The following RASIP1 variants were observed in gnomAD, a reference collection of about 807,000 sequenced individuals.
RASIP1 encodes Ras interacting protein 1, also known as ras-interacting protein 1.
In RASIP1, 20 loss-of-function variants were observed where a neutral mutation model predicts 85.3. The ratio of observed to expected loss-of-function variants is 0.23; its 90% CI spans 0.17 to 0.34. The LOEUF (loss-of-function observed/expected upper bound fraction) is 0.34. Among genes scored for constraint, RASIP1 ranks in the 10% least tolerant of loss-of-function variants. RASIP1 has a pLI of 1.00. For synonymous variants in RASIP1, 617 were observed against 647.1 expected, an observed-to-expected ratio of 0.95 and a Z score of 0.71; for missense variants, 1,170 against 1,390.9, an observed-to-expected ratio of 0.84 and a Z score of 2.53.
Position 48,724,529 on chromosome 19 carries a change from G to A in RASIP1, c.2372-20C>T, listed in dbSNP as rs148076139. 5.6e-6 allele frequency: 9 copies of A among 1,608,546 alleles called. No individual in the cohort carries two copies. The highest frequency in any genetic ancestry group is 1.7e-5 in the Admixed American group (1 of 59,818). On this transcript the variant is annotated intron_variant, in intron 9 of 11. Coordinates refer to ENST00000222145, the MANE Select transcript of RASIP1 (RefSeq NM_017805.3). This position sits in a 1 kb window ranked among gnomAD's most constrained non-coding sequence, Gnocchi z 4.6. The stretch of plus-strand genomic sequence containing the variant: ...CTTGACCTGTGGGTGTTAAAGGTAT[G>A]AGAGGCAGTTGGTTGGCTGGACTCT...
chr19:48,736,247 C>G (rs945611780), intron 3 of RASIP1, among the ~76,000 whole-genome samples: 6 of 151,724 alleles, frequency 4.0e-5, no homozygotes, highest in Non-Finnish European at 7.4e-5. Context: ...AACCCCGTCT[C>G]TACTAAAAAT....
intron 10 of RASIP1, among the ~76,000 whole-genome samples, chr19:48,723,707 A>G (rs990692330): frequency 1.3e-5 from 2 of 152,048 alleles, no homozygotes; most frequent in African/African-American, 4.8e-5. Context: ...GGTGCCTGGC[A>G]GGTAGTTCAT....
chr19:48,730,627 A>G (rs1568479736), intron 4 of RASIP1, among the ~76,000 whole-genome samples: 1 of 152,098 alleles, frequency 6.6e-6, no homozygotes, highest in Non-Finnish European at 1.5e-5. Flanking sequence ...CCACCTGTCC[A>G]TTATTTCACC....
chr19:48,725,229 G>A (rs2033322639), intron 8 of RASIP1: 1 of 371,178 alleles, frequency 2.7e-6, no homozygotes, highest in East Asian at 4.7e-5. Context: ...AAAGGATACT[G>A]GACAAAGAGT....
chr19:48,722,691 T>G (rs959540730), intron 10 of RASIP1, among the ~76,000 whole-genome samples: 1 of 152,142 alleles, frequency 6.6e-6, no homozygotes, highest in Non-Finnish European at 1.5e-5. Flanking sequence ...CATCAGAGAC[T>G]CCACCTAGAC....
chr19:48,723,453 A>C (rs1189395250), intron 10 of RASIP1, among the ~76,000 whole-genome samples: 1 of 150,914 alleles, frequency 6.6e-6, no homozygotes, highest in Admixed American at 6.6e-5. Flanking sequence ...CCGGCTACTC[A>C]GGAGGCTGTG....
At chr19:48,721,801 T>C in intron 11 of RASIP1, 53 bp downstream of exon 11, 1 of 1,542,296 alleles carries the variant, frequency 6.5e-7, no homozygotes, top group South Asian at 1.2e-5. Flanking sequence ...AGACTCCGTC[T>C]CAAAAGAAGA....
At chr19:48,733,402 A>C (rs951958063) in intron 4 of RASIP1, among the ~76,000 whole-genome samples, 3 of 152,190 alleles carry the variant, frequency 2.0e-5, no homozygotes, top group Non-Finnish European at 4.4e-5. Context: ...TTTTGTACCA[A>C]TCAAGTTCTG....
intron 11 of RASIP1, among the ~76,000 whole-genome samples, chr19:48,721,509 C>A (rs531971676): frequency 6.6e-6 from 1 of 152,072 alleles, no homozygotes; most frequent in African/African-American, 2.4e-5. Flanking sequence ...ACTCCAAGAT[C>A]CTGAGAAAAG....
At chr19:48,735,620 T>G in intron 3 of RASIP1, 69 bp from the exon 4 acceptor site, 1 of 1,397,206 alleles carries the variant, frequency 7.2e-7, no homozygotes, top group Non-Finnish European at 9.5e-7. Flanking sequence ...CTGCAGATTA[T>G]GAGACAAAGA....
In RASIP1 at chr19:48,739,042, G is replaced by A; in HGVS notation, c.741C>T (p.Gly247=). The change falls in exon 3 of 12, where the codon GGC becomes GGT. Residue 247 remains glycine, a synonymous_variant. Coordinates refer to ENST00000222145, the MANE Select transcript of RASIP1 (RefSeq NM_017805.3). The surrounding 1 kb of genome is among the most constrained non-coding windows in gnomAD (Gnocchi z 9.2). ...LVQELWRARP[G]WARRFELRGR... ...CGCGCAACTCGAAGCGCCGCGCCCAGCCGGGCCGCGCCCGCCACAGCTCCT... is the reference window on the plus strand; with the variant it reads ...CGCGCAACTCGAAGCGCCGCGCCCAACCGGGCCGCGCCCGCCACAGCTCCT... 8.0e-7 allele frequency: 1 copy of A among 1,247,392 alleles called. No individual in the cohort carries two copies. The allele number at this position is 1,247,392 out of a possible 1,614,324, so 77.3% of individuals were successfully genotyped here.
At chr19:48,722,300 A>ATTTTTTT (rs71179038) in intron 10 of RASIP1, among the ~76,000 whole-genome samples, 7 of 98,336 alleles carry the variant, frequency 7.1e-5, no homozygotes, top group Admixed American at 1.1e-4. Flanking sequence ...GTACTTGGGG[A>ATTTTTTT]TTTTTTTTTT....
At chr19:48,728,453 TG>T (rs1055640078) in intron 5 of RASIP1, among the ~76,000 whole-genome samples, 1 of 151,976 alleles carries the variant, frequency 6.6e-6, no homozygotes, top group Non-Finnish European at 1.5e-5. Context: ...CAGCATTCTA[TG>T]GGGGGGCCCC....
chr19:48,725,210 AAGG>A (rs2033322424), intron 8 of RASIP1: 2 of 443,020 alleles, frequency 4.5e-6, no homozygotes, highest in African/African-American at 4.0e-5. Flanking sequence ...GAGACAGCTC[AAGG>A]AGGACAAAGG....
intron 4 of RASIP1, 40 bp downstream of exon 4, chr19:48,735,156 G>A (rs753423240): frequency 1.9e-6 from 3 of 1,543,016 alleles, no homozygotes; most frequent in Non-Finnish European, 2.6e-6. Context: ...AACAGATGGG[G>A]TATAGGGCTC....
chr19:48,728,848 G>A (rs1228986923), intron 5 of RASIP1, 89 bp downstream of exon 5: 1 of 1,296,338 alleles, frequency 7.7e-7, no homozygotes, highest in Non-Finnish European at 1.0e-6. Flanking sequence ...ATCCAGCCCA[G>A]CTATGAAAAG....
rs111269191 is a variant in RASIP1, at chr19:48,724,978, T to C, written c.2128-18A>G. On this transcript the variant is annotated intron_variant, in intron 8 of 11. Coordinates refer to ENST00000222145, the MANE Select transcript of RASIP1 (RefSeq NM_017805.3). This position sits in a 1 kb window ranked among gnomAD's most constrained non-coding sequence, Gnocchi z 4.6. ...TAGAGAGTCTGAGAAAATAGAGAAG[T>C]GGAAACAAGTGATTGGACTACAACT... The C allele has an allele frequency of 1.2e-4, 200 of 1,605,066 alleles. No individual in the cohort carries two copies. The highest frequency in any genetic ancestry group is 2.3e-4 in the Admixed American group (14 of 59,712).
chr19:48,723,803 C>CTTTT (rs34173404), intron 10 of RASIP1, among the ~76,000 whole-genome samples: 3 of 127,020 alleles, frequency 2.4e-5, no homozygotes, highest in Non-Finnish European at 3.3e-5. Context: ...ACCCTGGAAA[C>CTTTT]TTTTTTTTTT....
intron 4 of RASIP1, among the ~76,000 whole-genome samples, chr19:48,732,282 GTC>G (rs1053190235): frequency 6.7e-6 from 1 of 149,368 alleles, no homozygotes; most frequent in Non-Finnish European, 1.5e-5. Flanking sequence ...TTAAGACGGA[GTC>G]TCTCTCTGTT....
Sources: allele counts gnomAD v4.1 joint callset (sites outside exome capture counted in the v4.1 genomes callset), GRCh38; gene constraint gnomAD v4.1.1; non-coding constraint Gnocchi (gnomAD v3.1); transcripts MANE v1.5; gene names NCBI Gene and HGNC (gene_info 2026-07-23, HGNC 2026-07-21).